LHFPL3: variants seen among roughly 807,000 people sequenced by gnomAD.
The protein encoded by LHFPL3 is LHFPL tetraspan subfamily member 3 protein.
Under a neutral mutation model 19.3 loss-of-function variants are expected in LHFPL3, and 5 were observed. That is an observed-to-expected ratio of 0.26 (90% CI 0.14 to 0.54). The LOEUF is 0.54. LHFPL3 is among the 20% of genes least tolerant of loss of function. LHFPL3 has a pLI of 0.94. For synonymous variants in LHFPL3, 133 were observed against 126.2 expected (o/e 1.05, Z -0.36); for missense variants, 249 against 307.4 (o/e 0.81, Z 1.42).
At chr7:104,518,837 A>AGAT (rs147076555) in intron 1 of LHFPL3, among the ~76,000 whole-genome samples, 2 of 151,226 alleles carry the variant, frequency 1.3e-5, no homozygotes, top group African/African-American at 4.9e-5. Flanking sequence ...ATAGATAGAT[A>AGAT]GATAGATAGA....
intron 2 of LHFPL3, among the ~76,000 whole-genome samples, chr7:104,889,506 G>A (rs1278878109): frequency 3.9e-5 from 6 of 152,158 alleles, no homozygotes. Flanking sequence ...CAGGTGTGGT[G>A]TCACAAGCCT....
chr7:104,362,417 T>C (rs1181319016), intron 1 of LHFPL3, among the ~76,000 whole-genome samples: 4 of 152,222 alleles, frequency 2.6e-5, no homozygotes, highest in African/African-American at 9.6e-5. Flanking sequence ...TTGCCTAAGA[T>C]GTTTTGTTTA....
intron 1 of LHFPL3, among the ~76,000 whole-genome samples, chr7:104,422,546 A>G (rs1380680699): frequency 6.6e-6 from 1 of 152,266 alleles, no homozygotes; most frequent in Non-Finnish European, 1.5e-5. Context: ...ATTTATTTCA[A>G]CTAGCATTTA....
chr7:104,499,021 T>A (rs1463339168), intron 1 of LHFPL3, among the ~76,000 whole-genome samples: 3 of 152,190 alleles, frequency 2.0e-5, no homozygotes, highest in Non-Finnish European at 4.4e-5. Flanking sequence ...TATTTCCAGG[T>A]GCAATAACTC....
chr7:104,451,094 T>A (rs971658762), intron 1 of LHFPL3, among the ~76,000 whole-genome samples: 2 of 152,116 alleles, frequency 1.3e-5, no homozygotes, highest in African/African-American at 2.4e-5. Context: ...TAAAACCAAC[T>A]GAGACTAGGA....
chr7:104,537,448 T>G (rs1171559486), intron 1 of LHFPL3, among the ~76,000 whole-genome samples: 1 of 152,180 alleles, frequency 6.6e-6, no homozygotes, highest in Admixed American at 6.5e-5. Context: ...TTTTGTTTGT[T>G]TGTTTTTTAC....
At chr7:104,879,237 G>A (rs963033982) in intron 2 of LHFPL3, among the ~76,000 whole-genome samples, 16 of 152,004 alleles carry the variant, frequency 1.1e-4, no homozygotes, top group South Asian at 4.1e-4. Flanking sequence ...GGCAATATGC[G>A]AGACCCCATC....
Position 104,570,872 on chromosome 7 carries a change from G to A in LHFPL3, c.446-165803G>A, listed in dbSNP as rs78773224. On this transcript the variant is annotated intron_variant, in intron 1 of 2. Transcript: ENST00000424859. The stretch of plus-strand genomic sequence containing the variant: ...AGTAAGCTCTATGCTGCTTTCTTAT[G>A]CTCTCCTAAATGTAAATTTACACCC... Among the ~76,000 whole-genome samples, 1,021 of 152,120 alleles carry A rather than the reference G, an allele frequency of 6.7e-3. 14 individuals carry two copies. The highest frequency in any genetic ancestry group is 0.022 in the African/African-American group (910 of 41,468).
At chr7:104,378,104 T>G (rs550554378) in intron 1 of LHFPL3, among the ~76,000 whole-genome samples, 39 of 152,314 alleles carry the variant, frequency 2.6e-4, no homozygotes, top group Non-Finnish European at 5.1e-4. Flanking sequence ...TTTATTTCAT[T>G]TTTTCAATTT....
rs952374812 is a variant in LHFPL3, at chr7:104,349,191, T to A, written c.445+19967T>A. On this transcript the variant is annotated intron_variant, in intron 1 of 2. Transcript: ENST00000424859. ...AAGACAATATGAAATAATAAAAAAA[T>A]TAATTCAAGTCTCCTTCAAAATATA... Among the ~76,000 whole-genome samples the A allele has an allele frequency of 5.3e-5, 8 of 152,182 alleles. No homozygotes were observed. The East Asian group carries it at 1.5e-3, about 29-fold the overall frequency.
chr7:104,412,862 A>G (rs1468316685), intron 1 of LHFPL3, among the ~76,000 whole-genome samples: 2 of 152,170 alleles, frequency 1.3e-5, no homozygotes, highest in African/African-American at 2.4e-5. Flanking sequence ...AAAGCAATCT[A>G]TTTGTAATGA....
chr7:104,614,214 T>C (rs1352139818), intron 1 of LHFPL3, among the ~76,000 whole-genome samples: 1 of 152,198 alleles, frequency 6.6e-6, no homozygotes. Flanking sequence ...AGGGCTGTCT[T>C]GGTCAGGGCC....
At chr7:104,598,593 G>A (rs557584592) in intron 1 of LHFPL3, among the ~76,000 whole-genome samples, 41 of 152,268 alleles carry the variant, frequency 2.7e-4, no homozygotes, top group African/African-American at 9.1e-4. Context: ...GAGGGCCAAA[G>A]AACAATAATG....
At chr7:104,779,477 G>C (rs546208263) in intron 2 of LHFPL3, among the ~76,000 whole-genome samples, 3 of 152,186 alleles carry the variant, frequency 2.0e-5, no homozygotes, top group African/African-American at 7.2e-5. Flanking sequence ...CCTTCCATGG[G>C]AGTCTGTGAC....
intron 1 of LHFPL3, among the ~76,000 whole-genome samples, chr7:104,431,344 T>C (rs528586839): frequency 6.6e-6 from 1 of 152,324 alleles, no homozygotes; most frequent in East Asian, 1.9e-4. Flanking sequence ...CTTAATATAG[T>C]ACTGTCTATG....
chr7:104,351,512 C>G (rs1790173855), intron 1 of LHFPL3, among the ~76,000 whole-genome samples: 1 of 152,096 alleles, frequency 6.6e-6, no homozygotes, highest in South Asian at 2.1e-4. Flanking sequence ...CAGAAACTAG[C>G]CTCCTAGACC....
intron 1 of LHFPL3, among the ~76,000 whole-genome samples, chr7:104,601,228 G>A (rs1363689805): frequency 6.6e-6 from 1 of 152,046 alleles, no homozygotes; most frequent in Non-Finnish European, 1.5e-5. Flanking sequence ...GGGAAGGAGT[G>A]GAGACAGGAA....
chr7:104,403,817 C>G (rs528018070), intron 1 of LHFPL3, among the ~76,000 whole-genome samples: 58 of 152,006 alleles, frequency 3.8e-4, no homozygotes, highest in African/African-American at 1.4e-3. Context: ...CTAGAGCAGG[C>G]TGGGCTCAGC....
At chr7:104,676,889 A>C (rs532492552) in intron 1 of LHFPL3, among the ~76,000 whole-genome samples, 2 of 152,182 alleles carry the variant, frequency 1.3e-5, no homozygotes, top group African/African-American at 4.8e-5. Flanking sequence ...CTGATTCTAG[A>C]GGTGTAATCA....
Sources: allele counts gnomAD v4.1 joint callset (sites outside exome capture counted in the v4.1 genomes callset), GRCh38; gene constraint gnomAD v4.1.1; transcripts MANE v1.5; gene names NCBI Gene and HGNC (gene_info 2026-07-23, HGNC 2026-07-21).